NLGN2: variants seen among roughly 807,000 people sequenced by gnomAD.
NLGN2 encodes neuroligin 2.
A neutral mutation model predicts 48.6 loss-of-function variants in NLGN2; 11 were observed. The observed-to-expected ratio is 0.23, with a 90% CI of 0.14 to 0.37. The LOEUF (loss-of-function observed/expected upper bound fraction) is 0.37, where lower values mean the gene tolerates loss of function less well. NLGN2 is among the 10% of genes least tolerant of loss of function. The pLI is 1.00. For synonymous variants in NLGN2, 548 were observed against 550.0 expected, an observed-to-expected ratio of 1.00 and a Z score of 0.05; for missense variants, 801 against 1,225.2, an observed-to-expected ratio of 0.65 and a Z score of 5.17.
intron 6 of NLGN2, among the ~76,000 whole-genome samples, chr17:7,416,627 A>G (rs912714365): frequency 6.6e-6 from 1 of 151,846 alleles, no homozygotes; most frequent in African/African-American, 2.4e-5. Flanking sequence ...TGTTTCATTC[A>G]GGCTCAGCTT....
intron 1 of NLGN2, among the ~76,000 whole-genome samples, chr17:7,409,633 G>A (rs565897750): frequency 6.6e-6 from 1 of 152,052 alleles, no homozygotes; most frequent in South Asian, 2.1e-4. Flanking sequence ...TAGACCATCC[G>A]CTGCCACCAC....
Position 7,416,007 on chromosome 17 carries a change from A to T in NLGN2, c.1534A>T (p.Met512Leu), listed in dbSNP as rs1288090318. 6.2e-7 allele frequency: 1 copy of T among 1,614,090 alleles called. No homozygotes were observed. The highest frequency in any genetic ancestry group is 8.5e-7 in the Non-Finnish European group (1 of 1,180,010). Residue 512 changes from methionine to leucine, a missense_variant, in exon 6 of 7, where the codon ATG (methionine) becomes TTG (leucine). Around this residue, in one of 5 missense-constraint regions of NLGN2, gnomAD observed 303 missense variants for 600.1 expected, o/e 0.50. Coordinates refer to ENST00000302926, the MANE Select transcript of NLGN2 (RefSeq NM_020795.4). ...ACTGCCCTATGTCTTTGGCGTGCCC[A>T]TGGTGGGTGCCACCGACCTCTTCCC... is the stretch of plus-strand genomic sequence containing the variant. The part of the protein sequence containing the change: ...DELPYVFGVP[M>L]VGATDLFPCN...
At position 7,417,379 on chromosome 17, in the gene NLGN2, C is replaced by A; in HGVS notation, c.2088C>A (p.Ala696=). The part of the protein sequence containing the change: ...LLFLNILAFA[A]LYYKRDRRQE... ...TCCTCAACATCCTGGCCTTTGCTGC[C>A]CTCTACTACAAGCGGGACCGGCGGC... Residue 696 remains alanine (A), a synonymous_variant, in exon 7 of 7, where the codon GCC becomes GCA. Coordinates refer to ENST00000302926, the MANE Select transcript of NLGN2 (RefSeq NM_020795.4). 3.1e-6 allele frequency: 5 copies of A among 1,611,232 alleles called. No individual in the cohort carries two copies. Among genetic ancestry groups the A allele is most frequent in the Non-Finnish European group, 4.2e-6 (5 of 1,179,074 alleles).
rs1480392608 is a variant in NLGN2, at chr17:7,408,303, C to T, written c.48C>T (p.Arg16=). 7 of 974,698 alleles carry T rather than the reference C, an allele frequency of 7.2e-6. No individual in the cohort carries two copies. The highest frequency in any genetic ancestry group is 1.7e-5 in the African/African-American group (1 of 57,368). The allele number at this position is 974,698 out of a possible 1,614,324, so 60.4% of individuals were successfully genotyped here. Residue 16 remains arginine (R), a synonymous_variant, in exon 1 of 7, where the codon CGC becomes CGT. Transcript: ENST00000302926. This position sits in a 1 kb window ranked among gnomAD's most constrained non-coding sequence, Gnocchi z 7.5. ...TGGTGGGGCTGGCGGGGGCTCAACG[C>T]GGGGGAGGGGGTCCCGGCGGCGGCG... ...LCLVGLAGAQ[R]GGGGPGGGAP...
chr17:7,405,939 G>C (rs932184378), upstream of NLGN2, among the ~76,000 whole-genome samples: 4 of 152,160 alleles, frequency 2.6e-5, no homozygotes, highest in Non-Finnish European at 5.9e-5. This position sits in a 1 kb window ranked among gnomAD's most constrained non-coding sequence, Gnocchi z 6.8. Context: ...CTCCCCGGCT[G>C]GGGGAGTCAG....
Position 7,411,579 on chromosome 17 carries a change from C to G in NLGN2, c.458-578C>G, listed in dbSNP as rs573303810. On this transcript the variant is annotated intron_variant, in intron 1 of 6. Coordinates refer to ENST00000302926, the MANE Select transcript of NLGN2 (RefSeq NM_020795.4). This position sits in a 1 kb window ranked among gnomAD's most constrained non-coding sequence, Gnocchi z 4.5. ...AGCTGTGGGGCAGGCTGCCCCCCAA[C>G]CCTGTCCTGCTCGCTGCCCTGCAGA... Among the ~76,000 whole-genome samples, 4 of 152,194 alleles carry G rather than the reference C, an allele frequency of 2.6e-5. No individual in the cohort carries two copies. In the South Asian group the frequency reaches 8.3e-4, roughly 31 times the overall value.
upstream of NLGN2, among the ~76,000 whole-genome samples, chr17:7,407,492 G>A (rs370708439): frequency 3.9e-5 from 6 of 152,300 alleles, no homozygotes; most frequent in African/African-American, 1.4e-4. Flanking sequence ...TGGGGTGGGG[G>A]TTCAGCGCCA....
chr17:7,417,288 C>A lies in NLGN2; in HGVS notation c.1997C>A (p.Pro666His). 1 of 1,602,142 alleles carries A rather than the reference C, an allele frequency of 6.2e-7. No homozygotes were observed. Among genetic ancestry groups the A allele is most frequent in the East Asian group, 2.3e-5 (1 of 43,620 alleles). The change falls in exon 7 of 7, where the codon CCC becomes CAC. Residue 666 changes from proline (P) to histidine (H), a missense_variant. By Grantham distance (77) the Pro-to-His change is moderately conservative. Transcript: ENST00000302926. ...GGCCCAAGGGCCTATGACCGCTTCC[C>A]CGGGGACTCACGGGACTACTCCACG... ...EPGPRAYDRF[P>H]GDSRDYSTEL...
chr17:7,405,210 C>T (rs1597704281), upstream of NLGN2: 1 of 152,404 alleles, frequency 6.6e-6, no homozygotes, highest in African/African-American at 2.4e-5. The surrounding 1 kb of genome is among the most constrained non-coding windows in gnomAD (Gnocchi z 6.8). Flanking sequence ...CCCCGGGCCC[C>T]TGGGGATTAA....
rs1170394000 is a variant in NLGN2 at position 7,407,995 on chromosome 17, C to G, written c.-261C>G. ...CTGTATCCTGCCTCCCTGCCCCTCT[C>G]GCTCCACCCCCCGCAGGTCGGGCCT... On this transcript the variant is annotated 5_prime_UTR_variant, in exon 1 of 7. Coordinates refer to ENST00000302926, the MANE Select transcript of NLGN2 (RefSeq NM_020795.4). The G allele has an allele frequency of 3.0e-6, 1 of 336,204 alleles. No individual in the cohort carries two copies. Among genetic ancestry groups the G allele is most frequent in the East Asian group, 4.8e-5 (1 of 21,030 alleles). 20.8% of individuals were successfully genotyped at this position (336,204 alleles called of 1,614,324 possible).
rs7502375 is a variant in NLGN2 at position 7,408,038 on chromosome 17, T to C, written c.-218T>C. On this transcript the variant is annotated 5_prime_UTR_variant, in exon 1 of 7. Transcript: ENST00000302926. This position sits in a 1 kb window ranked among gnomAD's most constrained non-coding sequence, Gnocchi z 7.5. ...TCGGGCCTGCCTTCACCTTCTCCCATTTCCTTCCCCTTCCCCACCCCGTGC... is the reference window on the plus strand; with the variant it reads ...TCGGGCCTGCCTTCACCTTCTCCCACTTCCTTCCCCTTCCCCACCCCGTGC... 1 allele frequency: 311,686 copies of C among 312,066 alleles called. 155,655 individuals are homozygous for C. Among genetic ancestry groups the C allele is most frequent in the Middle Eastern group, 1 (1,122 of 1,122 alleles). 19.3% of individuals were successfully genotyped at this position (312,066 alleles called of 1,614,324 possible). A position where few individuals can be genotyped will look rare whatever the true frequency, so the allele number is the denominator to read the frequency against.
At position 7,418,030 on chromosome 17, in the gene NLGN2, C is replaced by A. The variant is rs529292465; in HGVS notation, c.*231C>A. ...ACAACTGGGGGGCGTTTTCTCCCCC[C>A]CATTGGGACACCAGTCTTCGGTGTG... On this transcript the variant is annotated 3_prime_UTR_variant, in exon 7 of 7. Coordinates refer to ENST00000302926, the MANE Select transcript of NLGN2 (RefSeq NM_020795.4). The A allele has an allele frequency of 2.3e-5, 8 of 353,842 alleles. No homozygotes were observed. The highest frequency in any genetic ancestry group is 2.1e-4 in the East Asian group (5 of 23,962). The allele number at this position is 353,842 out of a possible 1,614,324, so 21.9% of individuals were successfully genotyped here. A position where few individuals can be genotyped will look rare whatever the true frequency, so the allele number is the denominator to read the frequency against.
In NLGN2 at chr17:7,408,954, T is replaced by C. The variant is rs1384993091; in HGVS notation, c.457+242T>C. ...AGTTCTTTACGCCCATGGGGGGCCA[T>C]GGTAGGGATGGCAGGCACTGGACTA... On this transcript the variant is annotated intron_variant, in intron 1 of 6. Coordinates refer to ENST00000302926, the MANE Select transcript of NLGN2 (RefSeq NM_020795.4). This position sits in a 1 kb window ranked among gnomAD's most constrained non-coding sequence, Gnocchi z 7.5. 6.6e-6 allele frequency among the ~76,000 whole-genome samples: 1 copy of C among 152,090 alleles called. No homozygotes were observed. Among genetic ancestry groups the C allele is most frequent in the Non-Finnish European group, 1.5e-5 (1 of 67,984 alleles).
chr17:7,415,703 C>T lies in NLGN2; in HGVS notation c.1230C>T (p.Val410=), dbSNP rs1203842208. The T allele has an allele frequency of 1.9e-6, 3 of 1,614,142 alleles. No homozygotes were observed. In the Admixed American group the frequency reaches 5.0e-5, roughly 27 times the overall value. Residue 410 remains valine (V), a synonymous_variant, in exon 6 of 7, where the codon GTC becomes GTT. Transcript: ENST00000302926. Reference sequence around the variant, plus strand: ...CTGCCAGCGCCTTTGACTTCACTGTCTCCAACTTTGTGGACAACCTGTATG... The same window carrying T: ...CTGCCAGCGCCTTTGACTTCACTGTTTCCAACTTTGTGGACAACCTGTATG... ...GVSASAFDFT[V]SNFVDNLYGY...
Position 7,408,700 on chromosome 17 carries a change from C to G in NLGN2, c.445C>G (p.Pro149Ala). The G allele has an allele frequency of 6.2e-7, 1 of 1,613,044 alleles. No homozygotes were observed. The highest frequency in any genetic ancestry group is 8.5e-7 in the Non-Finnish European group (1 of 1,179,746). ...CTGCCTGTACCTCAACCTCTACGTG[C>G]CCACCGAGGACGGTAAGGGCGCGGG... ...EDCLYLNLYV[P>A]TEDGPLTKKR... The change falls in exon 1 of 7, where the codon CCC becomes GCC. Residue 149 changes from proline (P) to alanine (A), a missense_variant. Transcript: ENST00000302926. The surrounding 1 kb of genome is among the most constrained non-coding windows in gnomAD (Gnocchi z 7.5).
At position 7,408,800 on chromosome 17, in the gene NLGN2, G is replaced by A; in HGVS notation, c.457+88G>A. 1 of 1,603,446 alleles carries A rather than the reference G, an allele frequency of 6.2e-7. No homozygotes were observed. Among genetic ancestry groups the A allele is most frequent in the South Asian group, 1.1e-5 (1 of 90,064 alleles). On this transcript the variant is annotated intron_variant, in intron 1 of 6. Coordinates refer to ENST00000302926, the MANE Select transcript of NLGN2 (RefSeq NM_020795.4). The surrounding 1 kb of genome is among the most constrained non-coding windows in gnomAD (Gnocchi z 7.5). The stretch of plus-strand genomic sequence containing the variant: ...CCTCAGGCACTGGCACCGCTCTAGG[G>A]CTCAGAGCTGGGCCTTTGTGGGGGC...
In NLGN2 at chr17:7,408,176, G is replaced by T. The variant is rs1906722605; in HGVS notation, c.-80G>T. The T allele has an allele frequency of 5.3e-6, 4 of 753,778 alleles. No individual in the cohort carries two copies. Among genetic ancestry groups the T allele is most frequent in the South Asian group, 6.2e-5 (2 of 32,462 alleles). The allele number at this position is 753,778 out of a possible 1,614,324, so 46.7% of individuals were successfully genotyped here. ...CCTCCTCCCTCCTGGGGCGAGGGGG[G>T]CCTCCCTCCCTCTCCCCCCCTTCTC... On this transcript the variant is annotated 5_prime_UTR_variant, in exon 1 of 7. Transcript: ENST00000302926. This position sits in a 1 kb window ranked among gnomAD's most constrained non-coding sequence, Gnocchi z 7.5.
chr17:7,417,745 C>T lies in NLGN2; in HGVS notation c.2454C>T (p.Thr818=), dbSNP rs1453773480. 13 of 1,251,776 alleles carry T rather than the reference C, an allele frequency of 1.0e-5. No homozygotes were observed. The highest frequency in any genetic ancestry group is 4.8e-5 in the African/African-American group (3 of 62,230). The allele number at this position is 1,251,776 out of a possible 1,614,324, so 77.5% of individuals were successfully genotyped here. The part of the protein sequence containing the change: ...PFGPFPPPPP[T]ATSHNNTLPH... ...GGCCCTTCCCCCCGCCCCCTCCCAC[C>T]GCCACCAGCCACAACAACACGCTAC... Residue 818 remains threonine (T), a synonymous_variant, in exon 7 of 7, where the codon ACC becomes ACT. Transcript: ENST00000302926.
rs1352280400 is a variant in NLGN2 at position 7,408,350 on chromosome 17, G to C, written c.95G>C (p.Gly32Ala). 1 of 1,482,092 alleles carries C rather than the reference G, an allele frequency of 6.7e-7. No homozygotes were observed. The highest frequency in any genetic ancestry group is 1.3e-5 in the South Asian group (1 of 77,828). 91.8% of individuals were successfully genotyped at this position (1,482,092 alleles called of 1,614,324 possible). Reference sequence around the variant, plus strand: ...GGCGCCCCGGGCGGCCCCGGCCTGGGCCTCGGCAGCCTCGGCGAGGAGCGC... The same window carrying C: ...GGCGCCCCGGGCGGCCCCGGCCTGGCCCTCGGCAGCCTCGGCGAGGAGCGC... Reference protein sequence around the residue: ...GGGAPGGPGLGLGSLGEERFP... With the variant: ...GGGAPGGPGLALGSLGEERFP... Residue 32 changes from glycine to alanine, a missense_variant, in exon 1 of 7, where the codon GGC becomes GCC. Physicochemically the swap from Gly to Ala is moderately conservative, Grantham distance 60. Transcript: ENST00000302926. The surrounding 1 kb of genome is among the most constrained non-coding windows in gnomAD (Gnocchi z 7.5).
Sources: gnomAD v4.1 joint callset for allele counts (sites outside exome capture counted in the v4.1 genomes callset) on GRCh38, gnomAD v4.1.1 for gene constraint, gnomAD v4.1.1 regional missense constraint, Gnocchi (gnomAD v3.1) non-coding constraint, MANE v1.5 for transcripts, NCBI Gene and HGNC (gene_info 2026-07-23, HGNC 2026-07-21) for gene names.